VPS13B: variants seen among roughly 807,000 people sequenced by gnomAD.
VPS13B encodes vacuolar protein sorting 13 homolog B.
VPS13B carries 285 observed loss-of-function variants against 426.4 expected under a neutral mutation model. The observed-to-expected ratio is 0.67, with a 90% CI of 0.61 to 0.74. VPS13B has a LOEUF of 0.74. Among genes scored for constraint, VPS13B ranks in the 30% least tolerant of loss-of-function variants. The pLI is 0.00. For missense variants in VPS13B, 4,537 were observed against 4,782.6 expected, an observed-to-expected ratio of 0.95 and a Z score of 1.51; for synonymous variants, 1,676 against 1,676.4, an observed-to-expected ratio of 1.00 and a Z score of 0.01.
In VPS13B at chr8:99,156,659, T is replaced by C. The variant is rs201650333; in HGVS notation, c.2124T>C (p.Ala708=). 3.5e-5 allele frequency: 56 copies of C among 1,614,136 alleles called. 1 individual carries two copies. The Admixed American group carries it at 7.3e-4, about 21-fold the overall frequency. Residue 708 remains alanine, a synonymous_variant, in exon 15 of 62, where the codon GCT becomes GCC. Transcript: ENST00000357162. ...INLEHSVPMY[A]EQLVHVVSSL... Reference sequence around the variant, plus strand: ...TGGAACATTCAGTGCCAATGTATGCTGAACAGTTGGTGCATGTGGTCAGCA... The same window carrying C: ...TGGAACATTCAGTGCCAATGTATGCCGAACAGTTGGTGCATGTGGTCAGCA...
intron 8 of VPS13B, among the ~76,000 whole-genome samples, chr8:99,133,489 G>A (rs1809911626): frequency 6.6e-6 from 1 of 151,974 alleles, no homozygotes; most frequent in Admixed American, 6.6e-5. Flanking sequence ...TTTTTCTTTT[G>A]CATTAATGAC....
At chr8:99,525,824 G>A (rs888786682) in intron 30 of VPS13B, among the ~76,000 whole-genome samples, 2 of 152,188 alleles carry the variant, frequency 1.3e-5, no homozygotes, top group African/African-American at 4.8e-5. Flanking sequence ...GAGATGGACA[G>A]CATGGCTTAG....
intron 19 of VPS13B, among the ~76,000 whole-genome samples, chr8:99,318,089 G>T (rs1398559502): frequency 6.6e-6 from 1 of 152,108 alleles, no homozygotes; most frequent in Non-Finnish European, 1.5e-5. Flanking sequence ...ATGCCATTGT[G>T]TTCTTGCCCT....
intron 5 of VPS13B, among the ~76,000 whole-genome samples, chr8:99,106,925 A>G (rs1847078475): frequency 6.6e-6 from 1 of 152,146 alleles, no homozygotes; most frequent in African/African-American, 2.4e-5. Context: ...TGCTCAGTGT[A>G]CCATTGATAT....
intron 52 of VPS13B, 27 bp from the exon 53 acceptor site, chr8:99,835,170 C>A: frequency 6.2e-7 from 1 of 1,613,650 alleles, no homozygotes; most frequent in Non-Finnish European, 8.5e-7. Flanking sequence ...CTAAACATTT[C>A]TGTCATTTGA....
chr8:99,550,399 T>C (rs944427252), intron 30 of VPS13B, among the ~76,000 whole-genome samples: 2 of 142,670 alleles, frequency 1.4e-5, no homozygotes, highest in Non-Finnish European at 3.1e-5. Context: ...CTAGGAGAGA[T>C]TTTTTTTTTT....
At chr8:99,365,817 C>T (rs1430252160) in intron 19 of VPS13B, among the ~76,000 whole-genome samples, 1 of 151,908 alleles carries the variant, frequency 6.6e-6, no homozygotes, top group African/African-American at 2.4e-5. Flanking sequence ...GCCCAGCCCT[C>T]CAATTTTCTC....
At chr8:99,825,203 G>A (rs769734048) in intron 51 of VPS13B, among the ~76,000 whole-genome samples, 9 of 152,180 alleles carry the variant, frequency 5.9e-5, no homozygotes, top group Admixed American at 2.0e-4. Context: ...CAGTGTAAAA[G>A]TGTTCCTATT....
rs1474753623 is a variant in VPS13B, at chr8:99,309,139, T to C, written c.2824+33885T>C. Among the ~76,000 whole-genome samples, 87 of 152,166 alleles carry C rather than the reference T, an allele frequency of 5.7e-4. 1 individual carries two copies. The highest frequency in any genetic ancestry group is 1.8e-3 in the African/African-American group (73 of 41,506). Reference sequence around the variant, plus strand: ...TCTCCCATTCTGTAGGTTGCCTGTTTACTCTGATGGTAGTTTCTTTTGCTG... The same window carrying C: ...TCTCCCATTCTGTAGGTTGCCTGTTCACTCTGATGGTAGTTTCTTTTGCTG... On this transcript the variant is annotated intron_variant, in intron 19 of 61. Coordinates refer to ENST00000357162, the MANE Select transcript of VPS13B (RefSeq NM_152564.5).
rs114602149 is a variant in VPS13B at position 99,855,105 on chromosome 8, G to T, written c.10867+849G>T. Among the ~76,000 whole-genome samples the T allele has an allele frequency of 1.8e-3, 268 of 152,344 alleles. 1 individual carries two copies. Among genetic ancestry groups the T allele is most frequent in the African/African-American group, 6.1e-3 (254 of 41,574 alleles). On this transcript the variant is annotated intron_variant, in intron 56 of 61. Coordinates refer to ENST00000357162, the MANE Select transcript of VPS13B (RefSeq NM_152564.5). Reference sequence around the variant, plus strand: ...TAGCAACTGGTGGATAGCAGGCGCAGTGGCTCACACCTGTAATCCCAGCAC... The same window carrying T: ...TAGCAACTGGTGGATAGCAGGCGCATTGGCTCACACCTGTAATCCCAGCAC...
intron 33 of VPS13B, among the ~76,000 whole-genome samples, chr8:99,593,004 G>A (rs1826771625): frequency 6.6e-6 from 1 of 152,100 alleles, no homozygotes; most frequent in Admixed American, 6.6e-5. Context: ...ATAGGCATGG[G>A]CAAAGATTTC....
intron 43 of VPS13B, among the ~76,000 whole-genome samples, chr8:99,785,360 C>A (rs772497079): frequency 6.6e-6 from 1 of 151,970 alleles, no homozygotes; most frequent in South Asian, 2.1e-4. Flanking sequence ...TACATTATAC[C>A]CCTTGGGCTC....
intron 44 of VPS13B, among the ~76,000 whole-genome samples, chr8:99,812,168 C>T (rs1813737794): frequency 6.6e-6 from 1 of 152,136 alleles, no homozygotes; most frequent in South Asian, 2.1e-4. Context: ...CTCTTCCCTG[C>T]CCCCTCACTC....
chr8:99,515,931 CCTT>C (rs1822045127), intron 29 of VPS13B, among the ~76,000 whole-genome samples: 1 of 151,914 alleles, frequency 6.6e-6, no homozygotes, highest in Admixed American at 6.6e-5. Flanking sequence ...GTGTATTAAT[CCTT>C]CTGTCTGGCA....
intron 3 of VPS13B, among the ~76,000 whole-genome samples, chr8:99,044,654 C>G (rs1843126833): frequency 6.6e-6 from 1 of 152,136 alleles, no homozygotes; most frequent in African/African-American, 2.4e-5. Flanking sequence ...CTCTTTCCCC[C>G]AAGTCCCCAA....
intron 39 of VPS13B, among the ~76,000 whole-genome samples, chr8:99,761,311 C>G (rs767664458): frequency 3.3e-5 from 5 of 152,216 alleles, no homozygotes; most frequent in African/African-American, 4.8e-5. Flanking sequence ...CAGCCTCACA[C>G]AAGTTGTGAA....
intron 44 of VPS13B, among the ~76,000 whole-genome samples, chr8:99,809,978 G>T (rs1347543472): frequency 6.6e-6 from 1 of 152,116 alleles, no homozygotes; most frequent in East Asian, 1.9e-4. Flanking sequence ...TGACAGAGTG[G>T]GCCTGGGTCT....
intron 33 of VPS13B, among the ~76,000 whole-genome samples, chr8:99,614,287 G>A (rs1827975436): frequency 6.6e-6 from 1 of 150,876 alleles, no homozygotes; most frequent in African/African-American, 2.4e-5. Context: ...ATATATATAT[G>A]TATTTTTGAG....
In VPS13B at chr8:99,832,341, ATTTTTTTT is replaced by A. The variant is rs370235149; in HGVS notation, c.9331-10_9331-3del. The stretch of plus-strand genomic sequence containing the variant: ...TTACTGTAGCTAATGTGCTCTCTGC[ATTTTTTTT>A]TTTTTTTTTTTTTTTTTAGTATTTT... On this transcript the variant is annotated intron_variant, in intron 51 of 61. Transcript: ENST00000357162. The A allele has an allele frequency of 3.9e-4, 464 of 1,195,360 alleles. 2 individuals are homozygous for A. The African/African-American group carries it at 7.7e-3, about 20-fold the overall frequency. 74.0% of individuals were successfully genotyped at this position (1,195,360 alleles called of 1,614,324 possible). A position where few individuals can be genotyped will look rare whatever the true frequency, so the allele number is the denominator to read the frequency against.
Sources: gnomAD v4.1 joint callset for allele counts (sites outside exome capture counted in the v4.1 genomes callset) on GRCh38, gnomAD v4.1.1 for gene constraint, MANE v1.5 for transcripts, NCBI Gene and HGNC (gene_info 2026-07-23, HGNC 2026-07-21) for gene names.